PAPPA: variants seen among roughly 807,000 people sequenced by gnomAD.
PAPPA encodes the protein pappalysin 1, also known as pappalysin-1.
In PAPPA, 60 loss-of-function variants were observed where a neutral mutation model predicts 164.0. The observed-to-expected ratio is 0.37, with a 90% CI of 0.30 to 0.45. The LOEUF (loss-of-function observed/expected upper bound fraction) is 0.45, where lower values mean the gene tolerates loss of function less well. PAPPA is among the 20% of genes least tolerant of loss of function. The pLI is 1.00. For synonymous variants in PAPPA, 875 were observed against 814.1 expected (o/e 1.07, Z -1.27); for missense variants, 1,782 against 2,087.3 (o/e 0.85, Z 2.85).
At chr9:116,214,381 A>G (rs572437492) in intron 4 of PAPPA, among the ~76,000 whole-genome samples, 1 of 152,314 alleles carries the variant, frequency 6.6e-6, no homozygotes, top group African/African-American at 2.4e-5. Flanking sequence ...CACAAGTTTT[A>G]CAGATGCAGA....
At chr9:116,180,779 C>T (rs1843895648) in intron 1 of PAPPA, among the ~76,000 whole-genome samples, 1 of 151,978 alleles carries the variant, frequency 6.6e-6, no homozygotes, top group South Asian at 2.1e-4. Context: ...TAGGCAAGAC[C>T]ACAGGAAGAA....
intron 9 of PAPPA, among the ~76,000 whole-genome samples, chr9:116,279,875 A>G (rs1383037212): frequency 2.0e-5 from 3 of 152,164 alleles, no homozygotes; most frequent in East Asian, 1.9e-4. Flanking sequence ...TGGAAAAGAC[A>G]TTTAATATTC....
At chr9:116,390,423 G>T (rs1432139092) in intron 21 of PAPPA, among the ~76,000 whole-genome samples, 1 of 152,096 alleles carries the variant, frequency 6.6e-6, no homozygotes, top group Non-Finnish European at 1.5e-5. Context: ...GGGGAAAAGG[G>T]ATAAAAGATA....
intron 9 of PAPPA, among the ~76,000 whole-genome samples, chr9:116,299,452 C>T (rs771017731): frequency 6.6e-6 from 1 of 152,100 alleles, no homozygotes; most frequent in Non-Finnish European, 1.5e-5. Flanking sequence ...AAGAAATTAG[C>T]CTTTAGAAGA....
Position 116,272,103 on chromosome 9 carries a change from T to C in PAPPA, c.2953+687T>C, listed in dbSNP as rs563753744. ...GCCTTCTCTTGGAGTCTGGCTGATC[T>C]TGTTGTTTCAGCCCCACTTGGGAGG... On this transcript the variant is annotated intron_variant, in intron 9 of 21. Coordinates refer to ENST00000328252, the MANE Select transcript of PAPPA (RefSeq NM_002581.5). Among the ~76,000 whole-genome samples, 16 of 151,198 alleles carry C rather than the reference T, an allele frequency of 1.1e-4. No individual in the cohort carries two copies. The South Asian group carries it at 2.7e-3, about 25-fold the overall frequency.
chr9:116,266,081 A>G, intron 8 of PAPPA, 96 bp downstream of exon 8: 1 of 1,122,690 alleles, frequency 8.9e-7, no homozygotes, highest in South Asian at 1.8e-5. Context: ...CATATTCTTC[A>G]GTGCATGAGC....
intron 7 of PAPPA, among the ~76,000 whole-genome samples, chr9:116,248,810 G>A (rs1478676841): frequency 2.6e-5 from 4 of 152,166 alleles, no homozygotes; most frequent in African/African-American, 7.2e-5. Flanking sequence ...TGAATAAATG[G>A]ATCAGTAAAC....
At chr9:116,270,150 G>A (rs773693857) in intron 8 of PAPPA, among the ~76,000 whole-genome samples, 27 of 152,174 alleles carry the variant, frequency 1.8e-4, no homozygotes, top group Admixed American at 1.1e-3. Context: ...ACCTCCCAAC[G>A]CAAAGTGGGA....
At chr9:116,183,172 G>A (rs1032021568) in intron 1 of PAPPA, among the ~76,000 whole-genome samples, 37 of 152,076 alleles carry the variant, frequency 2.4e-4, no homozygotes, top group African/African-American at 8.0e-4. Context: ...GTGTGGAGAC[G>A]TGGGGGTTCT....
intron 9 of PAPPA, chr9:116,286,992 A>G (rs1333612484): frequency 1.3e-5 from 2 of 152,156 alleles, no homozygotes; most frequent in African/African-American, 4.8e-5. Flanking sequence ...CTGAGCCCCC[A>G]AGTAGTGCCA....
At chr9:116,308,539 A>G (rs761956741) in intron 10 of PAPPA, among the ~76,000 whole-genome samples, 2 of 152,236 alleles carry the variant, frequency 1.3e-5, no homozygotes, top group African/African-American at 4.8e-5. Context: ...GCTCATCTCT[A>G]TAAGGGGCAG....
At chr9:116,329,711 A>G (rs749372098) in intron 10 of PAPPA, among the ~76,000 whole-genome samples, 7 of 151,960 alleles carry the variant, frequency 4.6e-5, no homozygotes, top group Non-Finnish European at 1.0e-4. Flanking sequence ...TTTCCTCTCA[A>G]TGTTATGTTT....
Position 116,343,132 on chromosome 9 carries a change from A to G in PAPPA, c.3612-1411A>G, listed in dbSNP as rs147632076. ...ATCTTGCCAGTCCCCAATTTACCCAACTGTAAAATGAGTAACGCTTAGCTC... is the reference window on the plus strand; with the variant it reads ...ATCTTGCCAGTCCCCAATTTACCCAGCTGTAAAATGAGTAACGCTTAGCTC... On this transcript the variant is annotated intron_variant, in intron 13 of 21. Transcript: ENST00000328252. 2.7e-3 allele frequency among the ~76,000 whole-genome samples: 405 copies of G among 152,278 alleles called. 4 individuals carry two copies. Among genetic ancestry groups the G allele is most frequent in the African/African-American group, 9.1e-3 (379 of 41,554 alleles).
Position 116,265,968 on chromosome 9 carries a change from C to A in PAPPA, c.2844C>A (p.Gly948=). 1.2e-6 allele frequency: 2 copies of A among 1,608,748 alleles called. No homozygotes were observed. The highest frequency in any genetic ancestry group is 1.1e-5 in the South Asian group (1 of 90,572). ...ACATCCATGGAAGTGGGTACTGTGG[C>A]GATGGCATTATACAAAAGTAAGTAG... ...VTYIHGSGYC[G]DGIIQKDQGE... is the part of the protein sequence containing the mutation. Residue 948 remains glycine (G), a synonymous_variant, in exon 8 of 22, where the codon GGC becomes GGA. Coordinates refer to ENST00000328252, the MANE Select transcript of PAPPA (RefSeq NM_002581.5).
At chr9:116,340,710 A>G (rs1846124998) in intron 13 of PAPPA, among the ~76,000 whole-genome samples, 1 of 151,482 alleles carries the variant, frequency 6.6e-6, no homozygotes. Flanking sequence ...ATGTCCCATG[A>G]AAAAAAAATG....
chr9:116,374,411 C>T (rs1360593398), intron 19 of PAPPA, among the ~76,000 whole-genome samples: 3 of 152,170 alleles, frequency 2.0e-5, no homozygotes, highest in Non-Finnish European at 4.4e-5. Flanking sequence ...GATCTCCCAA[C>T]TTCTCCTGTA....
intron 13 of PAPPA, among the ~76,000 whole-genome samples, chr9:116,343,465 TGCTTAGA>T (rs1846164323): frequency 6.6e-6 from 1 of 152,204 alleles, no homozygotes; most frequent in African/African-American, 2.4e-5. Flanking sequence ...ATTTGCATGA[TGCTTAGA>T]CCTAAAGAAC....
chr9:116,319,331 TCTC>T (rs879385749), intron 10 of PAPPA, among the ~76,000 whole-genome samples: 1 of 152,094 alleles, frequency 6.6e-6, no homozygotes, highest in Admixed American at 6.6e-5. Flanking sequence ...CCCCTGCCCA[TCTC>T]CTCCTCAAAA....
At position 116,220,036 on chromosome 9, in the gene PAPPA, C is replaced by A. The variant is rs1236873179; in HGVS notation, c.2018C>A (p.Ala673Glu). Reference sequence around the variant, plus strand: ...GGCTGGCAGCCCTCCAGGAAACCAGCGCCTGTTGCCCTCGCCCCCCAAGTT... The same window carrying A: ...GGCTGGCAGCCCTCCAGGAAACCAGAGCCTGTTGCCCTCGCCCCCCAAGTT... ...YQGWQPSRKP[A>E]PVALAPQVLG... is the part of the protein sequence containing the mutation. Residue 673 changes from alanine (A) to glutamate (E), a missense_variant, in exon 5 of 22, where the codon GCG becomes GAG. By Grantham distance (107) the Ala-to-Glu change is moderately radical (BLOSUM62 -1). This residue lies in a region of PAPPA where 1,324 missense variants were observed against 1,656.9 expected (regional missense o/e 0.80). Transcript: ENST00000328252. 2 of 1,614,088 alleles carry A rather than the reference C, an allele frequency of 1.2e-6. No homozygotes were observed. The highest frequency in any genetic ancestry group is 8.5e-7 in the Non-Finnish European group (1 of 1,179,972).
Sources: allele counts gnomAD v4.1 joint callset (sites outside exome capture counted in the v4.1 genomes callset), GRCh38; gene constraint gnomAD v4.1.1; regional missense constraint gnomAD v4.1.1; transcripts MANE v1.5; gene names NCBI Gene and HGNC (gene_info 2026-07-23, HGNC 2026-07-21).